KCNU1: variants seen among roughly 807,000 people sequenced by gnomAD.
KCNU1 encodes the protein potassium channel subfamily U member 1.
KCNU1 carries 93 observed loss-of-function variants against 126.8 expected under a neutral mutation model. The ratio of observed to expected loss-of-function variants is 0.73; its 90% CI spans 0.62 to 0.87. The LOEUF (loss-of-function observed/expected upper bound fraction) is 0.87, where lower values mean the gene tolerates loss of function less well. KCNU1 is among the 40% of genes least tolerant of loss of function. The probability of loss-of-function intolerance (pLI) is 0.00; values close to 1 mark genes in which losing one functional copy is unlikely to be tolerated. For missense variants in KCNU1, 1,330 were observed against 1,367.1 expected (o/e 0.97, Z 0.43); for synonymous variants, 523 against 494.2 (o/e 1.06, Z -0.77).
At chr8:36,932,347 A>G (rs1808727481) in intron 25 of KCNU1, among the ~76,000 whole-genome samples, 3 of 152,072 alleles carry the variant, frequency 2.0e-5, no homozygotes, top group African/African-American at 7.2e-5. Context: ...CATTTATGCC[A>G]TGTTCCTCCC....
At chr8:36,933,071 A>C in intron 26 of KCNU1, 39 bp downstream of exon 26, 1 of 1,221,550 alleles carries the variant, frequency 8.2e-7, no homozygotes, top group South Asian at 1.3e-5. Context: ...CCACCCATTC[A>C]AGCATAAGAA....
In KCNU1 at chr8:36,787,297, T is replaced by C; in HGVS notation, c.196-9T>C. The stretch of plus-strand genomic sequence containing the variant: ...GCTCACATTGTCAATTTCTTTCTCT[T>C]GATTGTAGGAACTGTTCACATCAGG... On this transcript the variant is annotated splice_polypyrimidine_tract_variant and intron_variant, in intron 1 of 26. Transcript: ENST00000399881. 6.2e-7 allele frequency: 1 copy of C among 1,602,302 alleles called. No individual in the cohort carries two copies. Among genetic ancestry groups the C allele is most frequent in the East Asian group, 2.3e-5 (1 of 44,436 alleles).
chr8:36,795,734 G>A (rs1256765396), intron 2 of KCNU1: 2 of 152,218 alleles, frequency 1.3e-5, no homozygotes, highest in African/African-American at 4.8e-5. Context: ...CAGAACTTGT[G>A]TTCTTGGCTG....
chr8:36,786,646 C>T (rs1467263517), intron 1 of KCNU1, among the ~76,000 whole-genome samples: 2 of 152,146 alleles, frequency 1.3e-5, no homozygotes, highest in African/African-American at 4.8e-5. Context: ...CAGGCCCCAG[C>T]CTTTCCTCAT....
chr8:36,926,191 T>C (rs1446022171), intron 24 of KCNU1, among the ~76,000 whole-genome samples: 1 of 152,156 alleles, frequency 6.6e-6, no homozygotes, highest in African/African-American at 2.4e-5. Context: ...GCTGGGTAAA[T>C]AATCTGCCAA....
At chr8:36,787,542 C>A in intron 2 of KCNU1, 117 bp downstream of exon 2, 2 of 932,440 alleles carry the variant, frequency 2.1e-6, no homozygotes, top group Non-Finnish European at 1.5e-6. Flanking sequence ...GTCGTCTTAT[C>A]TATAATATCA....
At chr8:36,884,628 C>A (rs1274123170) in intron 19 of KCNU1, among the ~76,000 whole-genome samples, 1 of 152,050 alleles carries the variant, frequency 6.6e-6, no homozygotes, top group Non-Finnish European at 1.5e-5. Context: ...CCCAGCTACT[C>A]TGGAGGCTGA....
intron 18 of KCNU1, among the ~76,000 whole-genome samples, chr8:36,846,847 C>A (rs1023714546): frequency 1.3e-5 from 2 of 150,214 alleles, no homozygotes; most frequent in Admixed American, 6.6e-5. Context: ...ATGTGTAAAA[C>A]CCCAGTGTTT....
At chr8:36,934,508 T>C (rs1808796862) in intron 26 of KCNU1, among the ~76,000 whole-genome samples, 1 of 152,052 alleles carries the variant, frequency 6.6e-6, no homozygotes, top group South Asian at 2.1e-4. Flanking sequence ...TGTACAGCTC[T>C]TGCAACATGA....
At chr8:36,805,354 T>G in intron 4 of KCNU1, 69 bp downstream of exon 4, 1 of 937,306 alleles carries the variant, frequency 1.1e-6, no homozygotes, top group South Asian at 1.4e-5. Context: ...GAACTAACTG[T>G]GTCTCAGTCC....
At chr8:36,926,688 C>A (rs776052197) in intron 24 of KCNU1, among the ~76,000 whole-genome samples, 1 of 152,120 alleles carries the variant, frequency 6.6e-6, no homozygotes, top group Non-Finnish European at 1.5e-5. Context: ...TTGCATGTCC[C>A]TTTTATCCAT....
chr8:36,919,672 G>A (rs189013969), intron 23 of KCNU1, among the ~76,000 whole-genome samples: 155 of 152,304 alleles, frequency 1.0e-3, no homozygotes, highest in Non-Finnish European at 2.0e-3. Context: ...CCAGGCAAGA[G>A]GAGAACGGTG....
intron 19 of KCNU1, among the ~76,000 whole-genome samples, chr8:36,892,651 TATGATCAGCTA>T (rs1326957304): frequency 1.3e-5 from 2 of 152,122 alleles, no homozygotes; most frequent in Non-Finnish European, 2.9e-5. Context: ...TACTCAGCTT[TATGATCAGCTA>T]ATGATTGCAC....
intron 16 of KCNU1, 31 bp downstream of exon 16, chr8:36,841,034 G>GTTT (rs756308750): frequency 0.014 from 7,800 of 556,048 alleles, 9 homozygotes; most frequent in South Asian, 0.033. Context: ...CTCTTCAGTT[G>GTTT]TTTTTTTTTT....
intron 24 of KCNU1, among the ~76,000 whole-genome samples, chr8:36,927,207 G>T (rs956436312): frequency 6.6e-6 from 1 of 152,132 alleles, no homozygotes; most frequent in Non-Finnish European, 1.5e-5. Context: ...TCCCTTGTTA[G>T]ACCTGTGCTG....
chr8:36,800,569 G>T (rs758541173), intron 2 of KCNU1, among the ~76,000 whole-genome samples: 7 of 152,174 alleles, frequency 4.6e-5, no homozygotes, highest in Admixed American at 2.0e-4. Context: ...TCTCCTCTCG[G>T]CCACTATTTG....
chr8:36,803,205 A>G (rs1260375574), intron 2 of KCNU1, among the ~76,000 whole-genome samples: 2 of 152,214 alleles, frequency 1.3e-5, no homozygotes, highest in African/African-American at 4.8e-5. Flanking sequence ...CTTTCACAAT[A>G]TACGTAGCCC....
chr8:36,836,739 T>A, intron 13 of KCNU1, 54 bp from the exon 14 acceptor site: 1 of 1,474,886 alleles, frequency 6.8e-7, no homozygotes, highest in Non-Finnish European at 9.4e-7. Flanking sequence ...CCTCAAGAGC[T>A]TTCTTGAGGT....
At position 36,935,594 on chromosome 8, in the gene KCNU1, G is replaced by A. The variant is rs771138258; in HGVS notation, c.3124G>A (p.Ala1042Thr). The stretch of plus-strand genomic sequence containing the variant: ...GTTTTGTGCCATACCCTTCAGCACT[G>A]CTTGTTATAAAAGGAATGAAGAGTT... ...LVFCAIPFST[A>T]CYKRNEEFSL... Residue 1042 changes from alanine to threonine, a missense_variant, in exon 27 of 27, where the codon GCT becomes ACT. By Grantham distance (58) the Ala-to-Thr change is moderately conservative. Coordinates refer to ENST00000399881, the MANE Select transcript of KCNU1 (RefSeq NM_001031836.3). 2 of 1,613,020 alleles carry A rather than the reference G, an allele frequency of 1.2e-6. No homozygotes were observed. The highest frequency in any genetic ancestry group is 1.7e-6 in the Non-Finnish European group (2 of 1,179,380).
Sources: allele counts gnomAD v4.1 joint callset (sites outside exome capture counted in the v4.1 genomes callset), GRCh38; gene constraint gnomAD v4.1.1; transcripts MANE v1.5; gene names NCBI Gene and HGNC (gene_info 2026-07-23, HGNC 2026-07-21).